ADGRV1: variants seen among roughly 807,000 people sequenced by gnomAD.
The protein encoded by ADGRV1 is adhesion G protein-coupled receptor V1, also known as G-protein coupled receptor 98.
ADGRV1 carries 359 observed loss-of-function variants against 596.2 expected under a neutral mutation model. The observed-to-expected ratio is 0.60, with a 90% CI of 0.55 to 0.66. The LOEUF is 0.66. Ranked by LOEUF, ADGRV1 falls within the 30% of genes least tolerant of loss-of-function variation. ADGRV1 has a pLI of 0.00. For synonymous variants in ADGRV1, 2,681 were observed against 2,679.2 expected, an observed-to-expected ratio of 1.00 and a Z score of -0.02; for missense variants, 7,274 against 7,575.6, an observed-to-expected ratio of 0.96 and a Z score of 1.48.
At chr5:90,742,900 G>A (rs1754138949) in intron 50 of ADGRV1, among the ~76,000 whole-genome samples, 3 of 152,206 alleles carry the variant, frequency 2.0e-5, no homozygotes, top group Admixed American at 2.0e-4. Flanking sequence ...TGGGTGAATG[G>A]TAGTACTGTA....
chr5:90,965,658 A>T (rs924101132), intron 84 of ADGRV1, 127 bp downstream of exon 84: 1 of 535,352 alleles, frequency 1.9e-6, no homozygotes, highest in African/African-American at 1.9e-5. Flanking sequence ...CATTCTCAGG[A>T]TATAAATGAC....
At chr5:90,752,347 A>C (rs1311670024) in intron 53 of ADGRV1, among the ~76,000 whole-genome samples, 1 of 152,132 alleles carries the variant, frequency 6.6e-6, no homozygotes, top group African/African-American at 2.4e-5. Context: ...AGTTTGTTAC[A>C]TAGGTAAACT....
rs918947003 is a variant in ADGRV1, at chr5:91,153,479, A to G, written c.18802+81A>G. ...TTATATTTTCTTTCCATGAAGTTGC[A>G]AAGTACTATCAGTCACCCTTAGCAC... is the stretch of plus-strand genomic sequence containing the variant. On this transcript the variant is annotated intron_variant, in intron 89 of 89. Transcript: ENST00000405460. 5.8e-6 allele frequency: 6 copies of G among 1,035,034 alleles called. No homozygotes were observed. The African/African-American group carries it at 9.6e-5, about 17-fold the overall frequency. 64.1% of individuals were successfully genotyped at this position (1,035,034 alleles called of 1,614,324 possible).
chr5:90,922,101 GTA>G (rs1389517096), intron 83 of ADGRV1, among the ~76,000 whole-genome samples: 5 of 152,136 alleles, frequency 3.3e-5, no homozygotes, highest in African/African-American at 1.2e-4. Flanking sequence ...GGACAGTCCC[GTA>G]TCTGTGCCAC....
intron 53 of ADGRV1, among the ~76,000 whole-genome samples, chr5:90,752,773 G>C (rs749667544): frequency 6.6e-6 from 1 of 152,088 alleles, no homozygotes; most frequent in Non-Finnish European, 1.5e-5. Flanking sequence ...AACACTCTTC[G>C]CAATAGCAAA....
chr5:90,643,668 C>A, intron 13 of ADGRV1, 135 bp from the exon 14 acceptor site: 2 of 553,006 alleles, frequency 3.6e-6, no homozygotes, highest in South Asian at 3.9e-5. Context: ...GAAATGATAC[C>A]ACCTCTTTTG....
intron 83 of ADGRV1, among the ~76,000 whole-genome samples, chr5:90,944,235 T>C (rs1463102749): frequency 1.3e-5 from 2 of 152,172 alleles, no homozygotes; most frequent in Admixed American, 6.5e-5. Flanking sequence ...GGGTTGGAAT[T>C]GCTAGTCTTT....
At chr5:90,990,940 A>G (rs1780908076) in intron 85 of ADGRV1, among the ~76,000 whole-genome samples, 1 of 152,194 alleles carries the variant, frequency 6.6e-6, no homozygotes, top group Non-Finnish European at 1.5e-5. Flanking sequence ...AGACCTTATC[A>G]TGCAAAGTGT....
intron 85 of ADGRV1, among the ~76,000 whole-genome samples, chr5:90,993,387 G>A (rs896597136): frequency 6.6e-6 from 1 of 151,906 alleles, no homozygotes; most frequent in Admixed American, 6.6e-5. Context: ...TCGAACTCCT[G>A]ATCTTGTGAT....
intron 1 of ADGRV1, among the ~76,000 whole-genome samples, chr5:90,568,208 G>A (rs1420851397): frequency 2.0e-5 from 3 of 151,610 alleles, no homozygotes; most frequent in Non-Finnish European, 4.4e-5. Flanking sequence ...GGCAGTTTAG[G>A]TTCTTTATTT....
At chr5:90,928,717 A>C (rs1774819642) in intron 83 of ADGRV1, among the ~76,000 whole-genome samples, 1 of 151,092 alleles carries the variant, frequency 6.6e-6, no homozygotes, top group Admixed American at 6.6e-5. Context: ...TCTGCTTTTT[A>C]GAGTTTCCCG....
intron 34 of ADGRV1, among the ~76,000 whole-genome samples, chr5:90,699,390 G>A (rs1026823634): frequency 5.3e-5 from 8 of 152,048 alleles, no homozygotes; most frequent in African/African-American, 1.7e-4. Flanking sequence ...AACAGATGAC[G>A]GGAGCATTTT....
rs931062858 is a variant in ADGRV1, at chr5:90,716,544, G to C, written c.9262G>C (p.Glu3088Gln). 1.9e-6 allele frequency: 3 copies of C among 1,612,728 alleles called. No homozygotes were observed. Among genetic ancestry groups the C allele is most frequent in the Non-Finnish European group, 1.7e-6 (2 of 1,179,312 alleles). The part of the protein sequence containing the change: ...FNNSEHFFLR[E>Q]PTALYVQESV... ...CAACAGTGAGCACTTTTTCCTAAGA[G>C]AGCCAACAGCTCTCTACGTCCAGGA... Residue 3088 changes from glutamate (E) to glutamine (Q), a missense_variant, in exon 43 of 90, where the codon GAG becomes CAG. By Grantham distance (29) the Glu-to-Gln change is conservative. Coordinates refer to ENST00000405460, the MANE Select transcript of ADGRV1 (RefSeq NM_032119.4).
At position 90,640,596 on chromosome 5, in the gene ADGRV1, T is replaced by C. The variant is rs2149420436; in HGVS notation, c.2241-2040T>C. Reference sequence around the variant, plus strand: ...TGGGTCTTGACAAGCTTGCTGGCCATGGGGTCATCTTCCATAAGTGGGAAC... The same window carrying C: ...TGGGTCTTGACAAGCTTGCTGGCCACGGGGTCATCTTCCATAAGTGGGAAC... On this transcript the variant is annotated intron_variant, in intron 11 of 89. Coordinates refer to ENST00000405460, the MANE Select transcript of ADGRV1 (RefSeq NM_032119.4). 2.6e-5 allele frequency: 4 copies of C among 152,420 alleles called. No homozygotes were observed. In the South Asian group the frequency reaches 8.3e-4, roughly 32 times the overall value. The allele number at this position is 152,420 out of a possible 1,614,324, so 9.4% of individuals were successfully genotyped here. A position where few individuals can be genotyped will look rare whatever the true frequency, so the allele number is the denominator to read the frequency against.
chr5:91,116,043 T>A (rs1407915631), intron 87 of ADGRV1, among the ~76,000 whole-genome samples: 2 of 152,152 alleles, frequency 1.3e-5, no homozygotes, highest in African/African-American at 4.8e-5. Flanking sequence ...AGGAAACAGA[T>A]CTGCCTTCTC....
chr5:90,842,033 CA>C (rs1437797264), intron 78 of ADGRV1, among the ~76,000 whole-genome samples: 1 of 152,138 alleles, frequency 6.6e-6, no homozygotes, highest in Non-Finnish European at 1.5e-5. Flanking sequence ...TGGCGTAGGA[CA>C]ATGCCAAGTT....
At chr5:90,917,894 A>G (rs1773527921) in intron 83 of ADGRV1, among the ~76,000 whole-genome samples, 1 of 151,972 alleles carries the variant, frequency 6.6e-6, no homozygotes, top group Non-Finnish European at 1.5e-5. Flanking sequence ...TTTTTTAAAG[A>G]AGCATTTGTA....
chr5:91,141,975 C>T (rs558176585), intron 87 of ADGRV1, among the ~76,000 whole-genome samples: 2 of 152,286 alleles, frequency 1.3e-5, no homozygotes, highest in East Asian at 1.9e-4. Flanking sequence ...CAGGAAGACA[C>T]CAACCCAGAA....
At chr5:90,969,811 G>A (rs1220553604) in intron 84 of ADGRV1, among the ~76,000 whole-genome samples, 2 of 152,172 alleles carry the variant, frequency 1.3e-5, no homozygotes, top group Non-Finnish European at 2.9e-5. Context: ...CACAGAAGAC[G>A]GGTGATTTCT....
Sources: gnomAD v4.1 joint callset for allele counts (sites outside exome capture counted in the v4.1 genomes callset) on GRCh38, gnomAD v4.1.1 for gene constraint, MANE v1.5 for transcripts, NCBI Gene and HGNC (gene_info 2026-07-23, HGNC 2026-07-21) for gene names.